The following PXK variants were observed in gnomAD, a reference collection of about 807,000 sequenced individuals.
PXK encodes PX domain-containing protein kinase-like protein.
In PXK, 35 loss-of-function variants were observed where a neutral mutation model predicts 84.7. The ratio of observed to expected loss-of-function variants is 0.41; its 90% CI spans 0.32 to 0.55. PXK has a LOEUF of 0.55. Among genes scored for constraint, PXK ranks in the 20% least tolerant of loss-of-function variants. PXK has a pLI of 0.21. For synonymous variants in PXK, 253 were observed against 260.8 expected, an observed-to-expected ratio of 0.97 and a Z score of 0.29; for missense variants, 634 against 699.7, an observed-to-expected ratio of 0.91 and a Z score of 1.06.
At chr3:58,424,362 T>G (rs931560450) in intron 17 of PXK, among the ~76,000 whole-genome samples, 1 of 152,198 alleles carries the variant, frequency 6.6e-6, no homozygotes, top group Non-Finnish European at 1.5e-5. Context: ...TATCTTTAAT[T>G]GCTAGCTCAG....
Position 58,379,426 on chromosome 3 carries a change from C to T in PXK, c.202-3088C>T. Reference sequence around the variant, plus strand: ...TTTTCTAAATTTCACTACTCACATCCCACAACATTATCTTCCCATAATTCT... The same window carrying T: ...TTTTCTAAATTTCACTACTCACATCTCACAACATTATCTTCCCATAATTCT... On this transcript the variant is annotated intron_variant, in intron 3 of 17. Transcript: ENST00000356151. The surrounding 1 kb of genome is among the most constrained non-coding windows in gnomAD (Gnocchi z 5.1). 1 of 154,976 alleles carries T rather than the reference C, an allele frequency of 6.5e-6. No individual in the cohort carries two copies. The allele number at this position is 154,976 out of a possible 1,614,324, so 9.6% of individuals were successfully genotyped here.
intron 1 of PXK, among the ~76,000 whole-genome samples, chr3:58,351,243 A>G (rs548620347): frequency 2.6e-5 from 4 of 152,284 alleles, no homozygotes; most frequent in South Asian, 2.1e-4. Context: ...GTCTCACTCT[A>G]TCGCCCAGGC....
At chr3:58,422,270 C>G in intron 17 of PXK, 1 of 985,414 alleles carries the variant, frequency 1.0e-6, no homozygotes, top group African/African-American at 1.7e-5. Flanking sequence ...CCTAGACCTC[C>G]TCTCCCCTCC....
intron 12 of PXK, among the ~76,000 whole-genome samples, chr3:58,403,352 A>G (rs898693914): frequency 1.3e-5 from 2 of 152,176 alleles, no homozygotes; most frequent in Non-Finnish European, 2.9e-5. Flanking sequence ...AAAAGCTACT[A>G]CTTTTAAAAA....
In PXK at chr3:58,412,750, C is replaced by A; in HGVS notation, c.1466-151C>A. On this transcript the variant is annotated intron_variant, in intron 16 of 17. Coordinates refer to ENST00000356151, the MANE Select transcript of PXK (RefSeq NM_017771.5). This position sits in a 1 kb window ranked among gnomAD's most constrained non-coding sequence, Gnocchi z 6.2. ...GTAAAAGCCTGTCACTGGGTCCGGTCTCTGAGTTTTTTGTCCCTCATCATC... is the reference window on the plus strand; with the variant it reads ...GTAAAAGCCTGTCACTGGGTCCGGTATCTGAGTTTTTTGTCCCTCATCATC... 1.3e-6 allele frequency: 1 copy of A among 754,958 alleles called. No homozygotes were observed. The highest frequency in any genetic ancestry group is 2.3e-6 in the Non-Finnish European group (1 of 441,188). The allele number at this position is 754,958 out of a possible 1,614,324, so 46.8% of individuals were successfully genotyped here.
intron 1 of PXK, among the ~76,000 whole-genome samples, chr3:58,355,546 T>C (rs2098057376): frequency 6.6e-6 from 1 of 152,238 alleles, no homozygotes; most frequent in African/African-American, 2.4e-5. Flanking sequence ...TTTTCCTACT[T>C]AGTTTTCCTA....
intron 1 of PXK, among the ~76,000 whole-genome samples, chr3:58,358,106 G>A (rs867713241): frequency 6.6e-6 from 1 of 152,218 alleles, no homozygotes; most frequent in African/African-American, 2.4e-5. Flanking sequence ...ATTGAATCAA[G>A]CCAATGAACA....
chr3:58,358,203 T>C (rs1439773739), intron 1 of PXK, among the ~76,000 whole-genome samples: 1 of 152,240 alleles, frequency 6.6e-6, no homozygotes, highest in Non-Finnish European at 1.5e-5. Flanking sequence ...TGCATTATTA[T>C]TGACTACAAT....
intron 1 of PXK, among the ~76,000 whole-genome samples, chr3:58,341,967 G>T (rs754161520): frequency 2.6e-5 from 4 of 152,076 alleles, no homozygotes; most frequent in Non-Finnish European, 4.4e-5. Context: ...GCCTCCCAAA[G>T]TGCTGGGATT....
chr3:58,340,033 G>T (rs1364054704), intron 1 of PXK, among the ~76,000 whole-genome samples: 2 of 151,720 alleles, frequency 1.3e-5, no homozygotes, highest in Admixed American at 1.3e-4. Flanking sequence ...GGCCCGGCTG[G>T]TCTTGAACTC....
chr3:58,399,593 C>G lies in PXK; in HGVS notation c.1181+216C>G, dbSNP rs536765816. On this transcript the variant is annotated intron_variant, in intron 12 of 17. Coordinates refer to ENST00000356151, the MANE Select transcript of PXK (RefSeq NM_017771.5). The surrounding 1 kb of genome is among the most constrained non-coding windows in gnomAD (Gnocchi z 4.3). ...GATGGCTATCCTTTAACATCTGTGTCATTTTCACGTGTATCTCCTCACTCA... is the reference window on the plus strand; with the variant it reads ...GATGGCTATCCTTTAACATCTGTGTGATTTTCACGTGTATCTCCTCACTCA... 2.0e-5 allele frequency among the ~76,000 whole-genome samples: 3 copies of G among 152,300 alleles called. No individual in the cohort carries two copies. The highest frequency in any genetic ancestry group is 2.1e-4 in the South Asian group (1 of 4,824).
chr3:58,385,800 A>G lies in PXK; in HGVS notation c.388+3100A>G, dbSNP rs1301926082. Among the ~76,000 whole-genome samples, 1 of 152,108 alleles carries G rather than the reference A, an allele frequency of 6.6e-6. No homozygotes were observed. Among genetic ancestry groups the G allele is most frequent in the Non-Finnish European group, 1.5e-5 (1 of 68,010 alleles). ...AGGCATGAGCCACTGTGCCTGGCCC[A>G]CTTTTCCCTTTTAATGTGGATAATG... is the stretch of plus-strand genomic sequence containing the variant. On this transcript the variant is annotated intron_variant, in intron 4 of 17. Transcript: ENST00000356151. This position sits in a 1 kb window ranked among gnomAD's most constrained non-coding sequence, Gnocchi z 5.1.
chr3:58,368,291 G>A (rs2098307829), intron 2 of PXK, among the ~76,000 whole-genome samples: 1 of 152,146 alleles, frequency 6.6e-6, no homozygotes, highest in Admixed American at 6.5e-5. Context: ...AGAGACAGGA[G>A]GGCAGAAGAC....
intron 17 of PXK, among the ~76,000 whole-genome samples, chr3:58,417,693 T>G (rs940051571): frequency 6.6e-6 from 1 of 152,234 alleles, no homozygotes; most frequent in Non-Finnish European, 1.5e-5. Flanking sequence ...TCCAGGACTT[T>G]AAAATTCTTT....
chr3:58,403,616 A>T (rs1396056512), intron 12 of PXK, among the ~76,000 whole-genome samples: 1 of 152,106 alleles, frequency 6.6e-6, no homozygotes, highest in Non-Finnish European at 1.5e-5. Flanking sequence ...TAGCAGGGAA[A>T]CCCCCTCTAG....
At chr3:58,420,246 T>C (rs1255647081) in intron 17 of PXK, among the ~76,000 whole-genome samples, 1 of 152,186 alleles carries the variant, frequency 6.6e-6, no homozygotes, top group Non-Finnish European at 1.5e-5. Flanking sequence ...AAAAATAGTA[T>C]CTAACTGGCT....
At chr3:58,344,970 A>G (rs2097790752) in intron 1 of PXK, among the ~76,000 whole-genome samples, 1 of 152,194 alleles carries the variant, frequency 6.6e-6, no homozygotes, top group Non-Finnish European at 1.5e-5. Flanking sequence ...GTTAATCCCT[A>G]AAGGGGTTCC....
intron 2 of PXK, among the ~76,000 whole-genome samples, chr3:58,367,778 G>A (rs940120090): frequency 2.0e-5 from 3 of 152,096 alleles, no homozygotes; most frequent in East Asian, 3.9e-4. Context: ...GACCTCCTGG[G>A]CTCAAGTGAT....
chr3:58,420,152 A>G (rs374898528), intron 17 of PXK, among the ~76,000 whole-genome samples: 71 of 152,368 alleles, frequency 4.7e-4, no homozygotes, highest in Middle Eastern at 3.4e-3. Context: ...AATAGAACTA[A>G]GCACACTCCT....
Sources: allele counts gnomAD v4.1 joint callset (sites outside exome capture counted in the v4.1 genomes callset), GRCh38; gene constraint gnomAD v4.1.1; non-coding constraint Gnocchi (gnomAD v3.1); transcripts MANE v1.5; gene names NCBI Gene and HGNC (gene_info 2026-07-23, HGNC 2026-07-21).